MYOCD: variants seen among roughly 807,000 people sequenced by gnomAD.
MYOCD encodes the protein myocardin.
A neutral mutation model predicts 96.1 loss-of-function variants in MYOCD; 32 were observed. The ratio of observed to expected loss-of-function variants is 0.33; its 90% CI spans 0.25 to 0.45. The LOEUF (loss-of-function observed/expected upper bound fraction) is 0.45. MYOCD is among the 20% of genes least tolerant of loss of function. The pLI is 1.00. For missense variants in MYOCD, 1,133 were observed against 1,200.6 expected, an observed-to-expected ratio of 0.94 and a Z score of 0.83; for synonymous variants, 469 against 469.0, an observed-to-expected ratio of 1.00 and a Z score of 0.00.
At chr17:12,724,657 A>T (rs1272287115) in intron 5 of MYOCD, among the ~76,000 whole-genome samples, 1 of 152,020 alleles carries the variant, frequency 6.6e-6, no homozygotes, top group Non-Finnish European at 1.5e-5. Context: ...ATTCACCTAG[A>T]TTGCCTTGTA....
chr17:12,670,004 T>A (rs1909604925), intron 1 of MYOCD, among the ~76,000 whole-genome samples: 1 of 152,012 alleles, frequency 6.6e-6, no homozygotes, highest in African/African-American at 2.4e-5. Flanking sequence ...GGGGGTACCA[T>A]GAGAATGAAC....
chr17:12,763,178 C>A lies in MYOCD; in HGVS notation c.2495C>A (p.Ser832Tyr), dbSNP rs765601222. 6.2e-6 allele frequency: 10 copies of A among 1,614,084 alleles called. No individual in the cohort carries two copies. Among genetic ancestry groups the A allele is most frequent in the Non-Finnish European group, 8.5e-6 (10 of 1,180,042 alleles). Reference sequence around the variant, plus strand: ...GCTGTCCTCACCAAGCCCTCGGCTTCCTTTGAACAAGCCTCTTCAGGCAGC... The same window carrying A: ...GCTGTCCTCACCAAGCCCTCGGCTTACTTTGAACAAGCCTCTTCAGGCAGC... ...PTAVLTKPSASFEQASSGSQI... is the reference protein window; with the variant it reads ...PTAVLTKPSAYFEQASSGSQI... Residue 832 changes from serine to tyrosine, a missense_variant, in exon 14 of 14, where the codon TCC (serine) becomes TAC (tyrosine). Ser to Tyr is a moderately radical substitution (Grantham distance 144). Transcript: ENST00000425538.
Position 12,739,243 on chromosome 17 carries a change from C to A in MYOCD, c.632C>A (p.Ala211Asp). The A allele has an allele frequency of 6.2e-7, 1 of 1,610,462 alleles. No homozygotes were observed. Among genetic ancestry groups the A allele is most frequent in the East Asian group, 2.2e-5 (1 of 44,652 alleles). ...TCAGAAAATGACAGAAATGACTCAG[C>A]CTCACAGCCCAGCCACCAGTCAGAT... ...SGSENDRNDS[A>D]SQPSHQSDAG... Residue 211 changes from alanine to aspartate, a missense_variant, in exon 7 of 14, where the codon GCC becomes GAC. By Grantham distance (126) the Ala-to-Asp change is moderately radical (BLOSUM62 -2). Coordinates refer to ENST00000425538, the MANE Select transcript of MYOCD (RefSeq NM_001146312.3).
At chr17:12,742,282 G>A (rs1233386951) in intron 7 of MYOCD, among the ~76,000 whole-genome samples, 1 of 152,146 alleles carries the variant, frequency 6.6e-6, no homozygotes, top group Non-Finnish European at 1.5e-5. Context: ...TTCATTAGTC[G>A]CCAGGAAGAA....
At chr17:12,685,304 A>G (rs1412757643) in intron 1 of MYOCD, among the ~76,000 whole-genome samples, 1 of 151,716 alleles carries the variant, frequency 6.6e-6, no homozygotes. Flanking sequence ...TGTCTCAACA[A>G]CAACAAAAAC....
chr17:12,674,476 T>C (rs1909893357), intron 1 of MYOCD, among the ~76,000 whole-genome samples: 1 of 152,144 alleles, frequency 6.6e-6, no homozygotes, highest in Non-Finnish European at 1.5e-5. Context: ...CTTCAGTTTA[T>C]TTGAGAAAAA....
chr17:12,673,616 A>G (rs748852789), intron 1 of MYOCD, among the ~76,000 whole-genome samples: 2 of 152,236 alleles, frequency 1.3e-5, no homozygotes, highest in African/African-American at 2.4e-5. Context: ...GAAAATCTGT[A>G]TGCATAACAC....
intron 1 of MYOCD, among the ~76,000 whole-genome samples, chr17:12,671,493 G>C (rs1031572847): frequency 6.6e-6 from 1 of 152,164 alleles, no homozygotes; most frequent in Non-Finnish European, 1.5e-5. Flanking sequence ...CAGTAGTTGT[G>C]TCCATGTGTT....
chr17:12,741,715 A>AT (rs1168111318), intron 7 of MYOCD, among the ~76,000 whole-genome samples: 10 of 144,394 alleles, frequency 6.9e-5, no homozygotes, highest in South Asian at 2.3e-4. Context: ...GTATATATAT[A>AT]TAAAAAAAAA....
intron 1 of MYOCD, among the ~76,000 whole-genome samples, chr17:12,689,085 C>T (rs1482901464): frequency 6.6e-6 from 1 of 152,124 alleles, no homozygotes; most frequent in Non-Finnish European, 1.5e-5. Flanking sequence ...TCTTTCTACC[C>T]TTTCCCTTAT....
intron 1 of MYOCD, among the ~76,000 whole-genome samples, chr17:12,668,828 A>G (rs1331142307): frequency 1.3e-5 from 2 of 152,110 alleles, no homozygotes; most frequent in African/African-American, 4.8e-5. Flanking sequence ...AGAACTTCGA[A>G]AATGCCCAGG....
chr17:12,727,340 G>A (rs572347226), intron 5 of MYOCD, among the ~76,000 whole-genome samples: 85 of 152,272 alleles, frequency 5.6e-4, no homozygotes, highest in African/African-American at 2.0e-3. Context: ...TAGGGGAAAG[G>A]TGAACAGGAA....
intron 1 of MYOCD, among the ~76,000 whole-genome samples, chr17:12,694,881 CAAAAA>C (rs201215491): frequency 1.0e-3 from 71 of 69,630 alleles, no homozygotes; most frequent in African/African-American, 2.7e-3. Flanking sequence ...AAGGAATAAC[CAAAAA>C]AAAAAAAAAA....
At chr17:12,722,516 G>A (rs1238355078) in intron 4 of MYOCD, among the ~76,000 whole-genome samples, 2 of 152,176 alleles carry the variant, frequency 1.3e-5, no homozygotes, top group Non-Finnish European at 2.9e-5. Flanking sequence ...CAGACCAAAT[G>A]TGCATCCAAG....
At chr17:12,713,071 A>G (rs2031529781) in intron 2 of MYOCD, among the ~76,000 whole-genome samples, 1 of 152,154 alleles carries the variant, frequency 6.6e-6, no homozygotes, top group Non-Finnish European at 1.5e-5. Context: ...CCAGTGGCCC[A>G]TATAACACCC....
rs763665613 is a variant in MYOCD at position 12,736,140 on chromosome 17, T to G, written c.416-21T>G. Reference sequence around the variant, plus strand: ...GATGCTCCTAAGCCACTGACCAAGTTCCTGGATTTCACCCCCTCAGGTAAC... The same window carrying G: ...GATGCTCCTAAGCCACTGACCAAGTGCCTGGATTTCACCCCCTCAGGTAAC... On this transcript the variant is annotated intron_variant, in intron 5 of 13. Coordinates refer to ENST00000425538, the MANE Select transcript of MYOCD (RefSeq NM_001146312.3). 6.8e-6 allele frequency: 11 copies of G among 1,612,454 alleles called. No individual in the cohort carries two copies. In the Admixed American group the frequency reaches 1.8e-4, roughly 27 times the overall value.
intron 5 of MYOCD, 21 bp downstream of exon 5, chr17:12,723,029 GT>G: frequency 6.2e-7 from 1 of 1,606,486 alleles, no homozygotes; most frequent in Non-Finnish European, 8.5e-7. Context: ...CAAATGGCAT[GT>G]CTCTCCTTGG....
At position 12,760,677 on chromosome 17, in the gene MYOCD, G is replaced by C. The variant is rs1224403640; in HGVS notation, c.2359G>C (p.Glu787Gln). The C allele has an allele frequency of 3.7e-6, 6 of 1,614,018 alleles. No individual in the cohort carries two copies. Among genetic ancestry groups the C allele is most frequent in the Non-Finnish European group, 5.1e-6 (6 of 1,179,940 alleles). The change falls in exon 13 of 14, where the codon GAA (glutamate) becomes CAA (glutamine). Residue 787 changes from glutamate (E) to glutamine (Q), a missense_variant. By Grantham distance (29) the Glu-to-Gln change is conservative. Coordinates refer to ENST00000425538, the MANE Select transcript of MYOCD (RefSeq NM_001146312.3). ...QQMTRSQQMDELLDVLIESGE... is the reference protein window; with the variant it reads ...QQMTRSQQMDQLLDVLIESGE... ...AATGACCCGGAGTCAGCAGATGGAT[G>C]AACTCCTGGACGTGCTTATTGAAAG...
intron 1 of MYOCD, among the ~76,000 whole-genome samples, chr17:12,667,176 T>A (rs1357251122): frequency 1.3e-5 from 2 of 152,224 alleles, no homozygotes; most frequent in Admixed American, 1.3e-4. Flanking sequence ...AAGCTAAAGT[T>A]TCCTTAGCCC....
Sources: gnomAD v4.1 joint callset for allele counts (sites outside exome capture counted in the v4.1 genomes callset) on GRCh38, gnomAD v4.1.1 for gene constraint, MANE v1.5 for transcripts, NCBI Gene and HGNC (gene_info 2026-07-23, HGNC 2026-07-21) for gene names.